SEPTIN6: variants seen among roughly 807,000 people sequenced by gnomAD.
SEPTIN6 encodes the protein septin 6.
Under a neutral mutation model 33.6 loss-of-function variants are expected in SEPTIN6, and 8 were observed. The observed-to-expected ratio is 0.24, with a 90% confidence interval of 0.14 to 0.43. The LOEUF (loss-of-function observed/expected upper bound fraction) is 0.43, where lower values mean the gene tolerates loss of function less well. SEPTIN6 is among the 20% of genes least tolerant of loss of function. SEPTIN6 has a pLI of 1.00. For missense variants in SEPTIN6, 250 were observed against 340.8 expected (o/e 0.73, Z 2.10); for synonymous variants, 131 against 140.0 (o/e 0.94, Z 0.45).
intron 3 of SEPTIN6, among the ~76,000 whole-genome samples, chrX:119,658,984 T>G (rs938567579): frequency 1.8e-5 from 2 of 112,497 alleles, no homozygotes; most frequent in Admixed American, 9.5e-5. Context: ...TTTATTTTAA[T>G]GAATTTAAAT....
At chrX:119,632,797 G>A (rs1258236249) in intron 8 of SEPTIN6, among the ~76,000 whole-genome samples, 2 of 110,355 alleles carry the variant, frequency 1.8e-5, no homozygotes, top group Admixed American at 1.9e-4. Context: ...TCCACTAATT[G>A]TTGTATTTTT....
intron 10 of SEPTIN6, among the ~76,000 whole-genome samples, chrX:119,622,477 T>G (rs1393877849): frequency 8.9e-6 from 1 of 111,756 alleles, no homozygotes; most frequent in Non-Finnish European, 1.9e-5. Flanking sequence ...AAGCCTCCCC[T>G]GACTCGTTGG....
rs1188362335 is a variant in SEPTIN6, at chrX:119,619,434, G to T, written c.*659C>A. On this transcript the variant is annotated 3_prime_UTR_variant, in exon 11 of 11. Coordinates refer to ENST00000394610, the MANE Select transcript of SEPTIN6 (RefSeq NM_145799.4). The stretch of plus-strand genomic sequence containing the variant: ...CAGTTGTGTTTTATGGGAAGGGCTT[G>T]GTGTAAATAAATGCGTTGCCGATTT... The T allele has an allele frequency of 1.5e-5, 12 of 813,725 alleles. No individual in the cohort carries two copies. The highest frequency in any genetic ancestry group is 2.2e-5 in the African/African-American group (1 of 46,268). The allele number at this position is 813,725 out of a possible 1,213,427, so 67.1% of individuals were successfully genotyped here. A position where few individuals can be genotyped will look rare whatever the true frequency, so the allele number is the denominator to read the frequency against.
intron 3 of SEPTIN6, among the ~76,000 whole-genome samples, chrX:119,654,756 A>G (rs1269640809): frequency 2.7e-5 from 3 of 111,045 alleles, no homozygotes; most frequent in Non-Finnish European, 5.7e-5. Context: ...CAGTGGTGCG[A>G]TCTCCACTCA....
Position 119,625,296 on chromosome X carries a change from A to G in SEPTIN6, c.*41+39T>C, listed in dbSNP as rs1043308377. On this transcript the variant is annotated intron_variant, in intron 10 of 10. Coordinates refer to ENST00000394610, the MANE Select transcript of SEPTIN6 (RefSeq NM_145799.4). ...CGGGATTGGGGGAGATATGTTCTAG[A>G]AGCCACTGCCAGTTCTATTTAGAGT... 6 of 1,018,881 alleles carry G rather than the reference A, an allele frequency of 5.9e-6. No homozygotes were observed. In the Admixed American group the frequency reaches 6.8e-5, roughly 11 times the overall value. The allele number at this position is 1,018,881 out of a possible 1,213,427, so 84.0% of individuals were successfully genotyped here.
chrX:119,662,424 A>C (rs1381320149), intron 3 of SEPTIN6, among the ~76,000 whole-genome samples: 1 of 111,717 alleles, frequency 9.0e-6, no homozygotes, highest in African/African-American at 3.3e-5. Flanking sequence ...CCAAAGCTGG[A>C]AATTTGGGCC....
Position 119,640,839 on chromosome X carries a change from G to A in SEPTIN6, c.691-51C>T, listed in dbSNP as rs2054149023. ...GAGAACTGCAGAAGAAAGGCACTGAGTGTTACACAACCCAACTGCTGTTCG... is the reference window on the plus strand; with the variant it reads ...GAGAACTGCAGAAGAAAGGCACTGAATGTTACACAACCCAACTGCTGTTCG... On this transcript the variant is annotated intron_variant, in intron 5 of 10. Coordinates refer to ENST00000394610, the MANE Select transcript of SEPTIN6 (RefSeq NM_145799.4). The A allele has an allele frequency of 6.5e-6, 7 of 1,076,177 alleles. No homozygotes were observed. The East Asian group carries it at 2.1e-4, about 32-fold the overall frequency. The allele number at this position is 1,076,177 out of a possible 1,213,427, so 88.7% of individuals were successfully genotyped here. A position where few individuals can be genotyped will look rare whatever the true frequency, so the allele number is the denominator to read the frequency against.
chrX:119,688,536 G>A (rs768988591), intron 1 of SEPTIN6, among the ~76,000 whole-genome samples: 1 of 110,159 alleles, frequency 9.1e-6, no homozygotes, highest in East Asian at 2.8e-4. Context: ...GTGAAACCCT[G>A]TTTCTACTAA....
chrX:119,644,681 T>G (rs1402280634), intron 5 of SEPTIN6, among the ~76,000 whole-genome samples: 1 of 110,168 alleles, frequency 9.1e-6, no homozygotes, highest in Non-Finnish European at 1.9e-5. Flanking sequence ...ACCTCATCTC[T>G]ACTAAAAATA....
chrX:119,690,448 G>A (rs1316705717), intron 1 of SEPTIN6, among the ~76,000 whole-genome samples: 1 of 109,260 alleles, frequency 9.2e-6, no homozygotes, highest in African/African-American at 3.3e-5. Context: ...TTCCTGGCCG[G>A]GAGCAGTGGC....
intron 6 of SEPTIN6, among the ~76,000 whole-genome samples, chrX:119,640,063 C>T (rs1203309811): frequency 3.7e-5 from 4 of 107,071 alleles, no homozygotes; most frequent in Admixed American, 1.0e-4. Flanking sequence ...CCGCCTTCTT[C>T]GGCCTCCCAG....
chrX:119,631,243 C>G (rs1472672808), intron 8 of SEPTIN6, among the ~76,000 whole-genome samples: 4 of 104,150 alleles, frequency 3.8e-5, no homozygotes, highest in African/African-American at 1.4e-4. Flanking sequence ...TGCAGTGGCA[C>G]AATCTCGGCT....
At position 119,641,710 on chromosome X, in the gene SEPTIN6, G is replaced by A. The variant is rs182797122; in HGVS notation, c.691-922C>T. The stretch of plus-strand genomic sequence containing the variant: ...AGCTGCCCCGACTTGGCAGTATGGG[G>A]CCTAGGAAACACTCACAGAGCCGTA... On this transcript the variant is annotated intron_variant, in intron 5 of 10. Transcript: ENST00000394610. 1.3e-4 allele frequency among the ~76,000 whole-genome samples: 15 copies of A among 112,116 alleles called. No individual in the cohort carries two copies. The East Asian group carries it at 4.2e-3, about 32-fold the overall frequency.
intron 2 of SEPTIN6, among the ~76,000 whole-genome samples, chrX:119,673,680 T>C (rs1192714314): frequency 2.8e-5 from 3 of 108,629 alleles, no homozygotes; most frequent in African/African-American, 1.0e-4. Flanking sequence ...CCGTCTCTAC[T>C]AAAAATACAG....
At chrX:119,657,146 G>A (rs1211640058) in intron 3 of SEPTIN6, among the ~76,000 whole-genome samples, 3 of 106,320 alleles carry the variant, frequency 2.8e-5, no homozygotes, top group Non-Finnish European at 1.9e-5. Flanking sequence ...TTGAACCTGG[G>A]AGGCGGAGGT....
At position 119,673,544 on chromosome X, in the gene SEPTIN6, C is replaced by T. The variant is rs761316563; in HGVS notation, c.145+2010G>A. 1.3e-3 allele frequency among the ~76,000 whole-genome samples: 147 copies of T among 110,228 alleles called. 1 individual carries two copies. The highest frequency in any genetic ancestry group is 2.3e-3 in the Non-Finnish European group (122 of 52,744). On this transcript the variant is annotated intron_variant, in intron 2 of 10. Transcript: ENST00000394610. ...TAGAGGAAAAAAAATGATAAAGAGC[C>T]CAAGAAAATGAATGACCTTAGTGAG...
At chrX:119,656,474 G>A (rs925586651) in intron 3 of SEPTIN6, among the ~76,000 whole-genome samples, 1 of 112,324 alleles carries the variant, frequency 8.9e-6, no homozygotes, top group African/African-American at 3.2e-5. Context: ...AGTCTGACAG[G>A]TTTGAGCAAT....
At chrX:119,635,880 A>C (rs2054052946) in intron 7 of SEPTIN6, among the ~76,000 whole-genome samples, 1 of 111,847 alleles carries the variant, frequency 8.9e-6, no homozygotes, top group South Asian at 3.8e-4. Context: ...AAGAATGCTT[A>C]CATGCAGCAT....
At chrX:119,635,444 G>A (rs1270949177) in intron 7 of SEPTIN6, among the ~76,000 whole-genome samples, 2 of 110,906 alleles carry the variant, frequency 1.8e-5, no homozygotes, top group African/African-American at 6.6e-5. Context: ...AAGAATCCCG[G>A]GGGGTATATC....
Sources: allele counts gnomAD v4.1 joint callset (sites outside exome capture counted in the v4.1 genomes callset), GRCh38; gene constraint gnomAD v4.1.1; transcripts MANE v1.5; gene names NCBI Gene and HGNC (gene_info 2026-07-23, HGNC 2026-07-21).